PLXNA4: variants seen among roughly 807,000 people sequenced by gnomAD.
The protein encoded by PLXNA4 is plexin-A4.
A neutral mutation model predicts 191.8 loss-of-function variants in PLXNA4; 44 were observed. That is an observed-to-expected ratio of 0.23 (90% CI 0.18 to 0.29). The LOEUF (loss-of-function observed/expected upper bound fraction) is 0.29. Ranked by LOEUF, PLXNA4 falls within the 10% of genes least tolerant of loss-of-function variation. The pLI is 1.00. For synonymous variants in PLXNA4, 1,082 were observed against 1,009.5 expected (o/e 1.07, Z -1.36); for missense variants, 1,800 against 2,488.8 (o/e 0.72, Z 5.89).
intron 3 of PLXNA4, among the ~76,000 whole-genome samples, chr7:132,392,707 G>A (rs185511090): frequency 1.3e-5 from 2 of 152,334 alleles, no homozygotes; most frequent in Admixed American, 6.5e-5. Flanking sequence ...CTTCAGCCTC[G>A]CCTAGGTTGT....
chr7:132,564,753 C>G (rs149741419), intron 1 of PLXNA4, among the ~76,000 whole-genome samples: 1 of 152,180 alleles, frequency 6.6e-6, no homozygotes, highest in South Asian at 2.1e-4. Flanking sequence ...ATGTGCATGG[C>G]GCTTGGTGAA....
intron 3 of PLXNA4, among the ~76,000 whole-genome samples, chr7:132,338,857 G>A (rs1007522010): frequency 6.6e-6 from 1 of 152,164 alleles, no homozygotes; most frequent in African/African-American, 2.4e-5. Flanking sequence ...AATGGTTCTT[G>A]TCTTCTCCAG....
intron 21 of PLXNA4, among the ~76,000 whole-genome samples, chr7:132,171,745 A>G (rs1372484157): frequency 5.3e-5 from 8 of 152,198 alleles, no homozygotes; most frequent in Non-Finnish European, 1.2e-4. Context: ...ATTCAGCAGC[A>G]TGGGTCTTAG....
chr7:132,240,173 G>A (rs770507062), intron 5 of PLXNA4, among the ~76,000 whole-genome samples: 3 of 152,192 alleles, frequency 2.0e-5, no homozygotes, highest in Non-Finnish European at 4.4e-5. Flanking sequence ...AGCTCACAAA[G>A]TGGCACATTT....
intron 2 of PLXNA4, among the ~76,000 whole-genome samples, chr7:132,620,522 C>T (rs1044751839): frequency 6.6e-6 from 1 of 152,052 alleles, no homozygotes; most frequent in Admixed American, 6.6e-5. Context: ...AATCAAAAGT[C>T]TCCTTAATTA....
chr7:132,210,816 A>T, intron 10 of PLXNA4, 127 bp downstream of exon 10: 1 of 1,035,816 alleles, frequency 9.7e-7, no homozygotes, highest in Non-Finnish European at 1.4e-6. Flanking sequence ...TGGGGGAAGC[A>T]GGTAGGCAGT....
chr7:132,380,339 C>T (rs1398631294), intron 3 of PLXNA4, among the ~76,000 whole-genome samples: 1 of 152,150 alleles, frequency 6.6e-6, no homozygotes, highest in Non-Finnish European at 1.5e-5. Flanking sequence ...CAACACTTCT[C>T]CCCCAGGGAG....
chr7:132,179,300 TAC>T lies in PLXNA4; in HGVS notation c.3874+385_3874+386del, dbSNP rs1562901941. Among the ~76,000 whole-genome samples the T allele has an allele frequency of 2.0e-3, 243 of 120,142 alleles. 2 individuals are homozygous for T. The highest frequency in any genetic ancestry group is 7.4e-3 in the African/African-American group (176 of 23,720). 78.8% of individuals were successfully genotyped at this position (120,142 alleles called of 152,430 possible). Reference sequence around the variant, plus strand: ...CCTGCTTGCTTGTAAATGGAACACATACACATACATACACACACATGCACACG... The same window carrying T: ...CCTGCTTGCTTGTAAATGGAACACATACATACATACACACACATGCACACG... On this transcript the variant is annotated intron_variant, in intron 20 of 31. Coordinates refer to ENST00000321063, the MANE Select transcript of PLXNA4 (RefSeq NM_020911.2).
intron 8 of PLXNA4, among the ~76,000 whole-genome samples, chr7:132,224,094 T>C (rs1174358340): frequency 2.0e-5 from 3 of 152,162 alleles, no homozygotes; most frequent in African/African-American, 4.8e-5. Flanking sequence ...CTCACTACGA[T>C]GGCTCCTCCA....
rs1794858803 is a variant in PLXNA4, at chr7:132,129,195, T to G, written c.*1284A>C. On this transcript the variant is annotated 3_prime_UTR_variant, in exon 32 of 32. Coordinates refer to ENST00000321063, the MANE Select transcript of PLXNA4 (RefSeq NM_020911.2). ...TGGAGGCTGAGGTTGGCTGGCATTT[T>G]GGGCTGTCTCCGTGAGGCTTTGCTT... 2 of 152,260 alleles carry G rather than the reference T, an allele frequency of 1.3e-5. No individual in the cohort carries two copies. The highest frequency in any genetic ancestry group is 4.1e-4 in the South Asian group (2 of 4,830). The allele number at this position is 152,260 out of a possible 1,614,324, so 9.4% of individuals were successfully genotyped here. A position where few individuals can be genotyped will look rare whatever the true frequency, so the allele number is the denominator to read the frequency against.
At chr7:132,567,052 A>G (rs902007630) in intron 1 of PLXNA4, among the ~76,000 whole-genome samples, 4 of 152,176 alleles carry the variant, frequency 2.6e-5, no homozygotes, top group African/African-American at 4.8e-5. Flanking sequence ...GGAGACATCA[A>G]TAGGCTTAAA....
chr7:132,555,582 A>G (rs1460163929), intron 1 of PLXNA4, among the ~76,000 whole-genome samples: 1 of 152,218 alleles, frequency 6.6e-6, no homozygotes. Context: ...CCCACGTATT[A>G]TGTCACTTAA....
intron 3 of PLXNA4, among the ~76,000 whole-genome samples, chr7:132,398,379 G>A (rs1789888942): frequency 6.6e-6 from 1 of 152,216 alleles, no homozygotes; most frequent in South Asian, 2.1e-4. Context: ...AATAGCCCAT[G>A]TCCTCACTAT....
intron 3 of PLXNA4, among the ~76,000 whole-genome samples, chr7:132,371,677 T>C (rs1392768553): frequency 6.6e-6 from 1 of 152,128 alleles, no homozygotes; most frequent in Non-Finnish European, 1.5e-5. Flanking sequence ...TGGCCAAAGA[T>C]GTTCACAGCC....
At chr7:132,555,267 C>T (rs982885252) in intron 1 of PLXNA4, among the ~76,000 whole-genome samples, 2 of 152,030 alleles carry the variant, frequency 1.3e-5, no homozygotes, top group African/African-American at 4.8e-5. Context: ...ATTTTTAAAT[C>T]TTTTTTTAAG....
At chr7:132,547,242 G>C (rs1331327045) in intron 1 of PLXNA4, among the ~76,000 whole-genome samples, 1 of 152,168 alleles carries the variant, frequency 6.6e-6, no homozygotes, top group Non-Finnish European at 1.5e-5. Context: ...TGTAAGGAAG[G>C]CATCATCACC....
intron 4 of PLXNA4, among the ~76,000 whole-genome samples, chr7:132,285,254 A>C (rs1300445734): frequency 6.6e-6 from 1 of 152,230 alleles, no homozygotes; most frequent in Non-Finnish European, 1.5e-5. Flanking sequence ...ACTTGTCCAA[A>C]GTCAAGTGGC....
Position 132,483,591 on chromosome 7 carries a change from C to T in PLXNA4, c.1371+5701G>A, listed in dbSNP as rs188008716. ...TTTGTGTATCAGCTGACTGAATGCG[C>T]TCTATGATTTGGGGTGTTTGTGCAG... On this transcript the variant is annotated intron_variant, in intron 3 of 31. Coordinates refer to ENST00000321063, the MANE Select transcript of PLXNA4 (RefSeq NM_020911.2). Among the ~76,000 whole-genome samples, 464 of 152,344 alleles carry T rather than the reference C, an allele frequency of 3.0e-3. 2 individuals carry two copies. The highest frequency in any genetic ancestry group is 4.1e-3 in the Non-Finnish European group (278 of 68,034).
In PLXNA4 at chr7:132,193,253, C is replaced by T. The variant is rs149696798; in HGVS notation, c.2856+809G>A. On this transcript the variant is annotated intron_variant, in intron 14 of 31. Transcript: ENST00000321063. ...TATGAAAGGCAGTTCCACCCTCTCC[C>T]GCTCTTGCTCTCTTGCACACAGTCT... Among the ~76,000 whole-genome samples the T allele has an allele frequency of 2.4e-4, 36 of 152,306 alleles. No homozygotes were observed. In the East Asian group the frequency reaches 6.6e-3, roughly 28 times the overall value.
Sources: gnomAD v4.1 joint callset for allele counts (sites outside exome capture counted in the v4.1 genomes callset) on GRCh38, gnomAD v4.1.1 for gene constraint, MANE v1.5 for transcripts, NCBI Gene and HGNC (gene_info 2026-07-23, HGNC 2026-07-21) for gene names.